Variants in PPP1R9A observed in about 807,000 individuals in gnomAD.
PPP1R9A encodes the protein neurabin-1.
Under a neutral mutation model 141.9 loss-of-function variants are expected in PPP1R9A, and 59 were observed. That is an observed-to-expected ratio of 0.42 (90% CI 0.34 to 0.52). PPP1R9A has a LOEUF of 0.52. Ranked by LOEUF, PPP1R9A falls within the 20% of genes least tolerant of loss-of-function variation. The pLI is 0.10. For synonymous variants in PPP1R9A, 500 were observed against 569.7 expected, an observed-to-expected ratio of 0.88 and a Z score of 1.74; for missense variants, 1,444 against 1,611.9, an observed-to-expected ratio of 0.90 and a Z score of 1.78.
In PPP1R9A at chr7:94,910,496, A is replaced by G; in HGVS notation, c.383A>G (p.Asp128Gly). Residue 128 changes from aspartate to glycine, a missense_variant, in exon 2 of 20, where the codon GAC becomes GGC. By Grantham distance (94) the Asp-to-Gly change is moderately conservative. Coordinates refer to ENST00000433360, the MANE Select transcript of PPP1R9A (RefSeq NM_001166160.2). The surrounding 1 kb of genome is among the most constrained non-coding windows in gnomAD (Gnocchi z 4.5). ...SSVSERISRF[D>G]TMYDGPSYSK... The stretch of plus-strand genomic sequence containing the variant: ...GTTTCTGAACGAATTAGTAGATTTG[A>G]CACTATGTACGATGGCCCTTCATAT... The G allele has an allele frequency of 6.2e-7, 1 of 1,614,192 alleles. No individual in the cohort carries two copies. Among genetic ancestry groups the G allele is most frequent in the Non-Finnish European group, 8.5e-7 (1 of 1,180,042 alleles).
intron 2 of PPP1R9A, among the ~76,000 whole-genome samples, chr7:95,042,613 AAAT>A (rs1809417325): frequency 6.6e-6 from 1 of 152,124 alleles, no homozygotes; most frequent in South Asian, 2.1e-4. Context: ...TTATTATGCA[AAAT>A]AATATCTTTC....
chr7:94,993,356 C>A (rs1801756191), intron 2 of PPP1R9A, among the ~76,000 whole-genome samples: 1 of 152,062 alleles, frequency 6.6e-6, no homozygotes, highest in African/African-American at 2.4e-5. Context: ...GAACTGTGTT[C>A]TTTTCCAGTT....
chr7:94,943,436 T>C (rs771988048), intron 2 of PPP1R9A, among the ~76,000 whole-genome samples: 2 of 152,184 alleles, frequency 1.3e-5, no homozygotes, highest in Non-Finnish European at 2.9e-5. Flanking sequence ...TCTGTAGAAA[T>C]GTTTATCAGT....
At chr7:95,225,372 G>A (rs1040380214) in intron 7 of PPP1R9A, among the ~76,000 whole-genome samples, 1 of 152,090 alleles carries the variant, frequency 6.6e-6, no homozygotes, top group African/African-American at 2.4e-5. Flanking sequence ...TTGTAAATGT[G>A]CTAGGCAGGC....
At chr7:95,070,454 G>A (rs1033691000) in intron 2 of PPP1R9A, among the ~76,000 whole-genome samples, 1 of 151,674 alleles carries the variant, frequency 6.6e-6, no homozygotes, top group South Asian at 2.1e-4. Context: ...GCAAATTTAG[G>A]CAATTACTGA....
In PPP1R9A at chr7:95,269,598, C is replaced by G. The variant is rs1363655472; in HGVS notation, c.3124+91C>G. ...CTCATAATCATAAGTCATTTGTTTT[C>G]TCATAGCTAATAATTAATATTAATT... On this transcript the variant is annotated intron_variant, in intron 14 of 19. Coordinates refer to ENST00000433360, the MANE Select transcript of PPP1R9A (RefSeq NM_001166160.2). 3 of 1,002,896 alleles carry G rather than the reference C, an allele frequency of 3.0e-6. No individual in the cohort carries two copies. In the African/African-American group the frequency reaches 5.1e-5, roughly 17 times the overall value. 62.1% of individuals were successfully genotyped at this position (1,002,896 alleles called of 1,614,324 possible). A position where few individuals can be genotyped will look rare whatever the true frequency, so the allele number is the denominator to read the frequency against.
intron 2 of PPP1R9A, among the ~76,000 whole-genome samples, chr7:95,056,447 T>G (rs1353832323): frequency 6.6e-6 from 1 of 152,152 alleles, no homozygotes; most frequent in East Asian, 1.9e-4. Flanking sequence ...CAGATATATT[T>G]TTTCTTGTAG....
intron 2 of PPP1R9A, among the ~76,000 whole-genome samples, chr7:95,072,792 TTA>T (rs1304393485): frequency 9.9e-6 from 1 of 101,136 alleles, no homozygotes; most frequent in Non-Finnish European, 1.8e-5. Context: ...TATTTATATA[TTA>T]TATTTATAAT....
chr7:95,014,753 A>G (rs932720521), intron 2 of PPP1R9A, among the ~76,000 whole-genome samples: 1 of 152,026 alleles, frequency 6.6e-6, no homozygotes, highest in Non-Finnish European at 1.5e-5. Flanking sequence ...GATTTTTCTC[A>G]TCCTGTCACT....
In PPP1R9A at chr7:94,966,894, C is replaced by G. The variant is rs796877394; in HGVS notation, c.1395+55386C>G. Among the ~76,000 whole-genome samples, 91 of 152,286 alleles carry G rather than the reference C, an allele frequency of 6.0e-4. 1 individual carries two copies. Among genetic ancestry groups the G allele is most frequent in the African/African-American group, 2.1e-3 (87 of 41,562 alleles). ...GAAATAGTTTCAGCAGGAATGGTTA[C>G]TGCTCCTCTTTGTACCTTTGGTAGC... On this transcript the variant is annotated intron_variant, in intron 2 of 19. Coordinates refer to ENST00000433360, the MANE Select transcript of PPP1R9A (RefSeq NM_001166160.2).
chr7:95,203,665 A>G lies in PPP1R9A; in HGVS notation c.1891A>G (p.Asn631Asp). ...YAQYDADDDE[N>D]TVAELQGMSG... ...TAATATTTTTTGTCAACCATTTTAG[A>G]ACACTGTGGCTGAATTGCAAGGAAT... The change falls in exon 7 of 20, where the codon AAC becomes GAC. Residue 631 changes from asparagine to aspartate, a missense_variant and splice_region_variant. Transcript: ENST00000433360. 1.3e-6 allele frequency: 2 copies of G among 1,536,012 alleles called. No homozygotes were observed. The highest frequency in any genetic ancestry group is 1.7e-6 in the Non-Finnish European group (2 of 1,146,002).
Position 94,985,790 on chromosome 7 carries a change from C to G in PPP1R9A, c.1395+74282C>G, listed in dbSNP as rs151225924. On this transcript the variant is annotated intron_variant, in intron 2 of 19. Coordinates refer to ENST00000433360, the MANE Select transcript of PPP1R9A (RefSeq NM_001166160.2). ...TGAGGGCACTTGCCCCAATTCTTCT[C>G]TATTACTCTATAAAAAAATGGAATC... Among the ~76,000 whole-genome samples the G allele has an allele frequency of 6.9e-3, 1,057 of 152,170 alleles. 6 individuals carry two copies. Among genetic ancestry groups the G allele is most frequent in the Middle Eastern group, 0.01 (3 of 294 alleles).
chr7:95,026,348 T>A (rs1222384948), intron 2 of PPP1R9A, among the ~76,000 whole-genome samples: 1 of 150,904 alleles, frequency 6.6e-6, no homozygotes, highest in Non-Finnish European at 1.5e-5. Context: ...ACTGCAGGTC[T>A]GCTGGAGTTT....
At chr7:95,065,065 A>G (rs542535519) in intron 2 of PPP1R9A, among the ~76,000 whole-genome samples, 1 of 151,848 alleles carries the variant, frequency 6.6e-6, no homozygotes, top group Non-Finnish European at 1.5e-5. Flanking sequence ...TTTATTTTTT[A>G]TTTATTTATT....
At chr7:95,088,124 A>G (rs774666542) in intron 2 of PPP1R9A, among the ~76,000 whole-genome samples, 2 of 152,026 alleles carry the variant, frequency 1.3e-5, no homozygotes, top group Admixed American at 6.5e-5. Context: ...TGAAACCAAG[A>G]AAAAGAAATG....
At chr7:95,050,829 A>G (rs1312168327) in intron 2 of PPP1R9A, among the ~76,000 whole-genome samples, 1 of 152,232 alleles carries the variant, frequency 6.6e-6, no homozygotes, top group Non-Finnish European at 1.5e-5. Context: ...AGGTAAGGAT[A>G]TAGACATTTT....
At chr7:95,172,949 C>T (rs991192968) in intron 5 of PPP1R9A, among the ~76,000 whole-genome samples, 8 of 151,250 alleles carry the variant, frequency 5.3e-5, no homozygotes, top group South Asian at 2.1e-4. Flanking sequence ...AAGGTAATTC[C>T]GTGGAGGAAA....
At chr7:95,161,815 T>TAAA in intron 4 of PPP1R9A, 52 bp from the exon 5 acceptor site, 1 of 1,200,728 alleles carries the variant, frequency 8.3e-7, no homozygotes, top group South Asian at 1.5e-5. Flanking sequence ...GATTATTACA[T>TAAA]AAATTAATTT....
intron 5 of PPP1R9A, among the ~76,000 whole-genome samples, chr7:95,197,850 T>C (rs1042085111): frequency 4.6e-5 from 7 of 151,836 alleles, no homozygotes; most frequent in Non-Finnish European, 1.0e-4. Context: ...GATTTTGCCT[T>C]CTTGGCCAGG....
Sources: gnomAD v4.1 joint callset for allele counts (sites outside exome capture counted in the v4.1 genomes callset) on GRCh38, gnomAD v4.1.1 for gene constraint, Gnocchi (gnomAD v3.1) non-coding constraint, MANE v1.5 for transcripts, NCBI Gene and HGNC (gene_info 2026-07-23, HGNC 2026-07-21) for gene names.